Variants in NF1 observed in about 807,000 individuals in gnomAD.
NF1 encodes neurofibromin.
In NF1, 122 loss-of-function variants were observed where a neutral mutation model predicts 325.7. That is an observed-to-expected ratio of 0.37 (90% confidence interval 0.32 to 0.44). The LOEUF is 0.44. NF1 is among the 20% of genes least tolerant of loss of function. The pLI is 1.00. For missense variants in NF1, 2,140 were observed against 3,415.4 expected (o/e 0.63, Z 9.31); for synonymous variants, 1,091 against 1,186.0 (o/e 0.92, Z 1.65).
rs34391271 is a variant in NF1, at chr17:31,196,628, A to AT, written c.889-3785dup. ...CTTTGCCAAATCCAATGTTGAAAAT[A>AT]TTTTTTTTTCCTATATTTTCTTATA... On this transcript the variant is annotated intron_variant, in intron 8 of 57. Coordinates refer to ENST00000358273, the MANE Select transcript of NF1 (RefSeq NM_001042492.3). Among the ~76,000 whole-genome samples the AT allele has an allele frequency of 4.0e-5, 6 of 151,620 alleles. No homozygotes were observed. The East Asian group carries it at 7.7e-4, about 20-fold the overall frequency.
chr17:31,189,571 C>T (rs773549888), intron 8 of NF1, among the ~76,000 whole-genome samples: 16 of 152,082 alleles, frequency 1.1e-4, no homozygotes, highest in Non-Finnish European at 2.1e-4. Flanking sequence ...AACCAGTAAT[C>T]TAGTTTTTTG....
intron 1 of NF1, among the ~76,000 whole-genome samples, chr17:31,118,351 T>A (rs1048309345): frequency 2.6e-5 from 4 of 152,048 alleles, no homozygotes; most frequent in Non-Finnish European, 5.9e-5. Context: ...TGCAGGTTTG[T>A]TACATAGCTA....
intron 1 of NF1, among the ~76,000 whole-genome samples, chr17:31,153,234 T>C (rs1353059431): frequency 6.6e-6 from 1 of 152,242 alleles, no homozygotes; most frequent in Admixed American, 6.5e-5. Context: ...ATAAACTTTA[T>C]TTAATAATAA....
chr17:31,239,972 C>T (rs1423228979), intron 29 of NF1, among the ~76,000 whole-genome samples: 1 of 152,184 alleles, frequency 6.6e-6, no homozygotes, highest in African/African-American at 2.4e-5. Context: ...CAATATTGGC[C>T]AGGCTAGTCT....
rs541988477 is a variant in NF1, at chr17:31,119,028, G to A, written c.60+23659G>A. Among the ~76,000 whole-genome samples the A allele has an allele frequency of 2.8e-3, 431 of 151,348 alleles. 5 individuals are homozygous for A. The highest frequency in any genetic ancestry group is 7.1e-4 in the Non-Finnish European group (48 of 67,866). On this transcript the variant is annotated intron_variant, in intron 1 of 57. Coordinates refer to ENST00000358273, the MANE Select transcript of NF1 (RefSeq NM_001042492.3). Reference sequence around the variant, plus strand: ...ATGATCTTGGCTCACTGCAACCTCCGCCTGCCAGGTTCAAGTAATTCTCCT... The same window carrying A: ...ATGATCTTGGCTCACTGCAACCTCCACCTGCCAGGTTCAAGTAATTCTCCT...
At chr17:31,244,750 T>C (rs901550237) in intron 29 of NF1, among the ~76,000 whole-genome samples, 8 of 152,164 alleles carry the variant, frequency 5.3e-5, no homozygotes, top group African/African-American at 1.9e-4. Context: ...TGCCTCTTCC[T>C]TAATATGATG....
chr17:31,337,063 G>T, intron 42 of NF1, 149 bp downstream of exon 42: 1 of 831,138 alleles, frequency 1.2e-6, no homozygotes. Flanking sequence ...TTACCAAAAA[G>T]AAAATAAATT....
At chr17:31,319,114 T>C in intron 36 of NF1, 1 of 1,356,592 alleles carries the variant, frequency 7.4e-7, no homozygotes, top group African/African-American at 1.5e-5. Context: ...GTTGAGATGT[T>C]ACAAGTAAAC....
intron 57 of NF1, chr17:31,361,189 C>T (rs2070392762): frequency 1.3e-5 from 2 of 153,672 alleles, no homozygotes; most frequent in Admixed American, 1.3e-4. Context: ...CATAGACCAT[C>T]CTGAAAATCT....
chr17:31,311,616 A>G (rs906360201), intron 36 of NF1, among the ~76,000 whole-genome samples: 3 of 152,182 alleles, frequency 2.0e-5, no homozygotes, highest in Admixed American at 1.3e-4. Flanking sequence ...CATGATAGTG[A>G]CCATTTACTG....
At chr17:31,286,454 C>T (rs2068229640) in intron 36 of NF1, among the ~76,000 whole-genome samples, 1 of 152,090 alleles carries the variant, frequency 6.6e-6, no homozygotes, top group African/African-American at 2.4e-5. Flanking sequence ...ACTTAATGAC[C>T]TGCAGCTTTT....
intron 11 of NF1, among the ~76,000 whole-genome samples, chr17:31,204,085 A>G (rs1287954559): frequency 6.6e-6 from 1 of 152,128 alleles, no homozygotes; most frequent in East Asian, 1.9e-4. Context: ...TCTATGTTAT[A>G]TGCATAATCT....
At chr17:31,173,239 T>C (rs1338533694) in intron 5 of NF1, among the ~76,000 whole-genome samples, 1 of 152,036 alleles carries the variant, frequency 6.6e-6, no homozygotes, top group Non-Finnish European at 1.5e-5. Flanking sequence ...TGAAACACTG[T>C]CTCTACTAGA....
chr17:31,227,463 G>C (rs1334517168), intron 19 of NF1, 60 bp from the exon 20 acceptor site: 2 of 1,562,272 alleles, frequency 1.3e-6, no homozygotes, highest in Non-Finnish European at 1.8e-6. Flanking sequence ...CTTGGCTGTA[G>C]CTGATTGATG....
chr17:31,154,732 CTTTTTTTTT>C (rs71142026), intron 1 of NF1, among the ~76,000 whole-genome samples: 17 of 103,394 alleles, frequency 1.6e-4, no homozygotes, highest in South Asian at 8.9e-4. Context: ...TTAGTATTTC[CTTTTTTTTT>C]TTTTTTTTTT....
Position 31,095,267 on chromosome 17 carries a change from C to T in NF1, c.-43C>T, listed in dbSNP as rs889094697. The T allele has an allele frequency of 2.6e-6, 4 of 1,528,620 alleles. No individual in the cohort carries two copies. The highest frequency in any genetic ancestry group is 2.4e-5 in the East Asian group (1 of 40,850). 94.7% of individuals were successfully genotyped at this position (1,528,620 alleles called of 1,614,324 possible). On this transcript the variant is annotated 5_prime_UTR_variant, in exon 1 of 58. Coordinates refer to ENST00000358273, the MANE Select transcript of NF1 (RefSeq NM_001042492.3). ...CCGCCCTCTTCCCGGCCCAGGGCGC[C>T]GGCCCACCCTTCCCTCCGCCGCCCC...
At chr17:31,327,867 T>G (rs764513641) in intron 38 of NF1, 28 bp downstream of exon 38, 1 of 1,593,256 alleles carries the variant, frequency 6.3e-7, no homozygotes, top group South Asian at 1.1e-5. Context: ...CTCTTCAGTT[T>G]GATTTGGGGT....
At chr17:31,211,997 CTT>C in intron 12 of NF1, among the ~76,000 whole-genome samples, 1 of 152,110 alleles carries the variant, frequency 6.6e-6, no homozygotes, top group East Asian at 1.9e-4. Flanking sequence ...TATATGATAA[CTT>C]TACAGTAGCT....
intron 1 of NF1, among the ~76,000 whole-genome samples, chr17:31,128,988 A>G (rs1285705514): frequency 6.6e-6 from 1 of 150,856 alleles, no homozygotes; most frequent in Admixed American, 6.6e-5. Flanking sequence ...TATAGTTTCT[A>G]CTGAGAGGTC....
Sources: allele counts gnomAD v4.1 joint callset (sites outside exome capture counted in the v4.1 genomes callset), GRCh38; gene constraint gnomAD v4.1.1; transcripts MANE v1.5; gene names NCBI Gene and HGNC (gene_info 2026-07-23, HGNC 2026-07-21).